Variants in TYW1B observed in about 807,000 individuals in gnomAD.
TYW1B encodes the protein tRNA-yW synthesizing protein 1 homolog B.
A neutral mutation model predicts 86.9 loss-of-function variants in TYW1B; 73 were observed. That is an observed-to-expected ratio of 0.84 (90% CI 0.70 to 1.02). The LOEUF (loss-of-function observed/expected upper bound fraction) is 1.02. TYW1B is among the 50% of genes least tolerant of loss of function. TYW1B has a pLI of 0.00. For synonymous variants in TYW1B, 248 were observed against 292.8 expected (o/e 0.85, Z 1.56); for missense variants, 637 against 827.4 (o/e 0.77, Z 2.82).
chr7:72,670,531 A>AC (rs1299092397), intron 11 of TYW1B, among the ~76,000 whole-genome samples: 2 of 152,076 alleles, frequency 1.3e-5, no homozygotes, highest in African/African-American at 4.8e-5. Context: ...AGTACTCTTA[A>AC]CCCCACTTTA....
chr7:72,593,819 CTAA>C (rs1362067536), intron 13 of TYW1B, among the ~76,000 whole-genome samples: 1 of 55,650 alleles, frequency 1.8e-5, no homozygotes, highest in South Asian at 8.5e-4. Context: ...CAGACTCCAT[CTAA>C]AAAAAAAAAA....
At chr7:72,827,694 G>T (rs1284991665) in intron 1 of TYW1B, among the ~76,000 whole-genome samples, 1 of 152,024 alleles carries the variant, frequency 6.6e-6, no homozygotes, top group South Asian at 2.1e-4. Flanking sequence ...ACTTGTAAAA[G>T]ATTCTCAAGT....
rs536712131 is a variant in TYW1B at position 72,771,389 on chromosome 7, CTT to C, written c.964+6025_964+6026del. Among the ~76,000 whole-genome samples the C allele has an allele frequency of 6.6e-5, 10 of 152,322 alleles. No individual in the cohort carries two copies. In the East Asian group the frequency reaches 7.7e-4, roughly 12 times the overall value. Reference sequence around the variant, plus strand: ...AAATTCATTGGGGTGGGGATAATAACTTATATCTTAATTGGAGTTGGTGAATA... The same window carrying C: ...AAATTCATTGGGGTGGGGATAATAACATATCTTAATTGGAGTTGGTGAATA... On this transcript the variant is annotated intron_variant, in intron 7 of 13. Transcript: ENST00000620995.
rs781914532 is a variant in TYW1B, at chr7:72,713,739, A to G, written c.1252T>C (p.Leu418=). Residue 418 remains leucine, a synonymous_variant, in exon 10 of 14, where the codon TTG becomes CTG. Coordinates refer to ENST00000620995, the MANE Select transcript of TYW1B (RefSeq NM_001145440.3). ...EEGMTVKHCA[L]SLVGEPIMYP... ...ATTATTGGTTCTCCCACGAGGGACA[A>G]TGCACAGTGCTTTACCGTCATTCCT... 1 of 1,612,938 alleles carries G rather than the reference A, an allele frequency of 6.2e-7. No individual in the cohort carries two copies. The highest frequency in any genetic ancestry group is 1.3e-5 in the African/African-American group (1 of 74,826).
intron 10 of TYW1B, among the ~76,000 whole-genome samples, chr7:72,695,286 C>T (rs1313881942): frequency 1.3e-5 from 2 of 152,160 alleles, no homozygotes; most frequent in African/African-American, 2.4e-5. Context: ...AAAGCTCAGG[C>T]CTTATTCAAA....
At chr7:72,717,035 T>C (rs1554456261) in intron 9 of TYW1B, among the ~76,000 whole-genome samples, 3 of 151,900 alleles carry the variant, frequency 2.0e-5, no homozygotes, top group African/African-American at 7.3e-5. Flanking sequence ...GCACGGCAGC[T>C]CATGCCTGTA....
Position 72,744,584 on chromosome 7 carries a change from T to C in TYW1B, c.982A>G (p.Arg328Gly). The C allele has an allele frequency of 6.2e-7, 1 of 1,613,744 alleles. No individual in the cohort carries two copies. Among genetic ancestry groups the C allele is most frequent in the Admixed American group, 1.7e-5 (1 of 59,986 alleles). ...AGAATGTGTGTTTGTAACAAGCTCC[T>C]CTCCCTCGGAGCATCGACTATGACA... ...LTKQVDAPRE[R>G]SLLQTHILWN... The change falls in exon 8 of 14, where the codon AGG becomes GGG. Residue 328 changes from arginine to glycine, a missense_variant. By Grantham distance (125) the Arg-to-Gly change is moderately radical. Transcript: ENST00000620995.
intron 11 of TYW1B, among the ~76,000 whole-genome samples, chr7:72,633,244 A>G (rs1554440269): frequency 1.3e-5 from 2 of 152,224 alleles, no homozygotes; most frequent in Non-Finnish European, 2.9e-5. Flanking sequence ...AGGAGCCCAT[A>G]CAATGCCCAT....
intron 6 of TYW1B, among the ~76,000 whole-genome samples, chr7:72,789,275 A>G (rs1231861180): frequency 6.6e-6 from 1 of 152,144 alleles, no homozygotes; most frequent in Non-Finnish European, 1.5e-5. Context: ...TTGGGACTAC[A>G]TGCATGTGCC....
intron 2 of TYW1B, among the ~76,000 whole-genome samples, chr7:72,819,531 C>T (rs1246813561): frequency 6.6e-6 from 1 of 152,164 alleles, no homozygotes; most frequent in Non-Finnish European, 1.5e-5. Flanking sequence ...CTCCTGGGCT[C>T]AAGCAATCCT....
chr7:72,726,361 A>ATT (rs1554458727), intron 9 of TYW1B, among the ~76,000 whole-genome samples: 15 of 146,322 alleles, frequency 1.0e-4, no homozygotes, highest in Non-Finnish European at 1.2e-4. Context: ...TTATTGACTA[A>ATT]TTTTTTTTGT....
At chr7:72,663,615 T>G (rs1423144769) in intron 11 of TYW1B, among the ~76,000 whole-genome samples, 1 of 151,494 alleles carries the variant, frequency 6.6e-6, no homozygotes, top group African/African-American at 2.4e-5. Context: ...ATATAAAAAA[T>G]TAGCCGGGCG....
At chr7:72,632,422 TAAA>T (rs1491572461) in intron 11 of TYW1B, among the ~76,000 whole-genome samples, 4 of 109,600 alleles carry the variant, frequency 3.6e-5, no homozygotes, top group African/African-American at 8.3e-5. Context: ...CATATATATA[TAAA>T]ATATATATAT....
chr7:72,792,228 G>A (rs1554473662), intron 6 of TYW1B, among the ~76,000 whole-genome samples: 3 of 151,860 alleles, frequency 2.0e-5, no homozygotes, highest in Admixed American at 6.6e-5. Flanking sequence ...TCGGGAGGAT[G>A]AGGCAGGAGA....
chr7:72,752,455 G>A (rs1466290095), intron 7 of TYW1B, among the ~76,000 whole-genome samples: 3 of 152,110 alleles, frequency 2.0e-5, no homozygotes, highest in Admixed American at 6.6e-5. Context: ...ATCAGGCAGA[G>A]CAGGGTGGCT....
intron 11 of TYW1B, among the ~76,000 whole-genome samples, chr7:72,648,007 A>G (rs1812970048): frequency 6.6e-6 from 1 of 152,130 alleles, no homozygotes; most frequent in Non-Finnish European, 1.5e-5. Context: ...TTTTTATGTT[A>G]CAATGATGAA....
At chr7:72,756,811 T>C (rs533388311) in intron 7 of TYW1B, among the ~76,000 whole-genome samples, 18 of 152,110 alleles carry the variant, frequency 1.2e-4, no homozygotes. Flanking sequence ...CATAATCCAA[T>C]GTAAAAATGG....
rs376698211 is a variant in TYW1B at position 72,807,355 on chromosome 7, A to G, written c.434T>C (p.Val145Ala). Residue 145 changes from valine (V) to alanine (A), a missense_variant and splice_region_variant, in exon 5 of 14, where the codon GTT becomes GCT. Coordinates refer to ENST00000620995, the MANE Select transcript of TYW1B (RefSeq NM_001145440.3). ...NSAYASHFNK[V>A]GKNVDKWLWM... ...GAGCCACTTGTCAACATTTTTGCCAACCTGCGAGGAAAAGATAGATAGGCT... is the reference window on the plus strand; with the variant it reads ...GAGCCACTTGTCAACATTTTTGCCAGCCTGCGAGGAAAAGATAGATAGGCT... 5 of 1,610,422 alleles carry G rather than the reference A, an allele frequency of 3.1e-6. No homozygotes were observed. In the African/African-American group the frequency reaches 5.3e-5, roughly 17 times the overall value.
chr7:72,686,544 G>A (rs1408069626), intron 11 of TYW1B, among the ~76,000 whole-genome samples: 7 of 152,122 alleles, frequency 4.6e-5, no homozygotes, highest in Non-Finnish European at 8.8e-5. Flanking sequence ...TGGTTGCCAG[G>A]GATGAGGGAG....
Sources: gnomAD v4.1 joint callset for allele counts (sites outside exome capture counted in the v4.1 genomes callset) on GRCh38, gnomAD v4.1.1 for gene constraint, MANE v1.5 for transcripts, NCBI Gene and HGNC (gene_info 2026-07-23, HGNC 2026-07-21) for gene names.